Variants in HS2ST1 observed in about 807,000 individuals in gnomAD.
The protein encoded by HS2ST1 is heparan sulfate 2-O-sulfotransferase 1, also known as 2-O-sulfotransferase.
Under a neutral mutation model 42.9 loss-of-function variants are expected in HS2ST1, and 18 were observed. The observed-to-expected ratio is 0.42, with a 90% CI of 0.29 to 0.62. HS2ST1 has a LOEUF of 0.62. Ranked by LOEUF, HS2ST1 falls within the 20% of genes least tolerant of loss-of-function variation. The pLI is 0.21. For synonymous variants in HS2ST1, 146 were observed against 152.9 expected (o/e 0.95, Z 0.33); for missense variants, 334 against 433.8 (o/e 0.77, Z 2.04).
chr1:86,956,183 A>G, intron 1 of HS2ST1, among the ~76,000 whole-genome samples: 1 of 134,120 alleles, frequency 7.5e-6, no homozygotes, highest in South Asian at 2.2e-4. Context: ...TTTTGGGGTT[A>G]TTTACTGGGG....
intron 1 of HS2ST1, among the ~76,000 whole-genome samples, chr1:87,001,805 G>A (rs1242781395): frequency 2.6e-5 from 4 of 152,148 alleles, no homozygotes; most frequent in Admixed American, 6.5e-5. Context: ...TAGAGACCAG[G>A]TTTCTCCATG....
chr1:87,028,700 G>A (rs1309788044), intron 1 of HS2ST1, among the ~76,000 whole-genome samples: 1 of 152,210 alleles, frequency 6.6e-6, no homozygotes, highest in Non-Finnish European at 1.5e-5. Context: ...TAAATTTTGG[G>A]AGAATAGCAA....
intron 3 of HS2ST1, among the ~76,000 whole-genome samples, chr1:87,084,992 C>G (rs1271256979): frequency 1.3e-5 from 2 of 152,102 alleles, no homozygotes; most frequent in Non-Finnish European, 2.9e-5. Context: ...AAACTATATG[C>G]CTACTCACAG....
intron 1 of HS2ST1, among the ~76,000 whole-genome samples, chr1:86,940,544 A>G (rs1431206018): frequency 6.6e-6 from 1 of 152,226 alleles, no homozygotes; most frequent in Non-Finnish European, 1.5e-5. Context: ...TATGGTAGGA[A>G]GTCCAGTTAG....
At chr1:87,055,695 A>G (rs890427465) in intron 1 of HS2ST1, among the ~76,000 whole-genome samples, 2 of 152,204 alleles carry the variant, frequency 1.3e-5, no homozygotes, top group Admixed American at 6.5e-5. Flanking sequence ...AATCATTTTC[A>G]TAATAATTCT....
intron 1 of HS2ST1, among the ~76,000 whole-genome samples, chr1:86,986,546 G>A (rs1048951143): frequency 3.9e-5 from 6 of 152,252 alleles, no homozygotes; most frequent in Admixed American, 3.9e-4. Context: ...TGTTAATTAG[G>A]TATCTTTAAA....
At chr1:86,922,274 A>G (rs1269416793) in intron 1 of HS2ST1, among the ~76,000 whole-genome samples, 4 of 151,822 alleles carry the variant, frequency 2.6e-5, no homozygotes, top group African/African-American at 9.7e-5. Context: ...GGTTCTTGCT[A>G]TCGTCATTAT....
intron 1 of HS2ST1, among the ~76,000 whole-genome samples, chr1:86,921,796 A>G (rs1660305797): frequency 6.6e-6 from 1 of 152,196 alleles, no homozygotes; most frequent in Non-Finnish European, 1.5e-5. Flanking sequence ...ATAGTACCAC[A>G]CAATGGACTA....
chr1:87,103,283 G>T, intron 5 of HS2ST1, 149 bp from the exon 6 acceptor site: 1 of 591,478 alleles, frequency 1.7e-6, no homozygotes, highest in South Asian at 3.6e-5. Flanking sequence ...GGAAACAGGT[G>T]TGCCTCCCAC....
intron 1 of HS2ST1, among the ~76,000 whole-genome samples, chr1:87,014,352 A>G (rs2100581229): frequency 6.6e-6 from 1 of 152,274 alleles, no homozygotes; most frequent in East Asian, 1.9e-4. Flanking sequence ...TTATAAAACC[A>G]TTAGATCTTG....
chr1:86,928,056 A>G lies in HS2ST1; in HGVS notation c.124+12896A>G, dbSNP rs530684139. Among the ~76,000 whole-genome samples, 5 of 152,222 alleles carry G rather than the reference A, an allele frequency of 3.3e-5. No individual in the cohort carries two copies. In the East Asian group the frequency reaches 7.7e-4, roughly 24 times the overall value. On this transcript the variant is annotated intron_variant, in intron 1 of 6. Transcript: ENST00000370550. The stretch of plus-strand genomic sequence containing the variant: ...TAGTAACTTAAAAATTGAAATCTTT[A>G]GAAGAAACTAACTGCGCAGCATAAA...
At chr1:86,952,559 A>G (rs1460827796) in intron 1 of HS2ST1, among the ~76,000 whole-genome samples, 6 of 152,210 alleles carry the variant, frequency 3.9e-5, no homozygotes, top group African/African-American at 1.4e-4. Flanking sequence ...CTTGAAAGTC[A>G]AAATTACTCT....
intron 1 of HS2ST1, among the ~76,000 whole-genome samples, chr1:86,941,236 C>T (rs1441851692): frequency 6.6e-6 from 1 of 152,094 alleles, no homozygotes; most frequent in East Asian, 1.9e-4. Context: ...TGACACTTTC[C>T]CTTTCATTCT....
chr1:87,023,806 A>AT (rs1478439436), intron 1 of HS2ST1, among the ~76,000 whole-genome samples: 2 of 151,884 alleles, frequency 1.3e-5, no homozygotes, highest in Non-Finnish European at 2.9e-5. Flanking sequence ...TTGTGTTACT[A>AT]TTTTTTTTCA....
intron 1 of HS2ST1, among the ~76,000 whole-genome samples, chr1:86,944,514 C>T (rs1396278469): frequency 5.9e-5 from 9 of 151,864 alleles, no homozygotes; most frequent in Non-Finnish European, 1.0e-4. Context: ...ACCACCATGC[C>T]CGGCTCATTT....
At chr1:87,062,962 T>C (rs2100624927) in intron 1 of HS2ST1, among the ~76,000 whole-genome samples, 1 of 152,340 alleles carries the variant, frequency 6.6e-6, no homozygotes, top group Non-Finnish European at 1.5e-5. Flanking sequence ...AGAAGTTTGA[T>C]TATGATATGT....
At chr1:86,963,318 G>GTTTGTGTCC (rs753208252) in intron 1 of HS2ST1, among the ~76,000 whole-genome samples, 38 of 152,320 alleles carry the variant, frequency 2.5e-4, no homozygotes, top group Middle Eastern at 3.4e-3. Context: ...CTACCGCAGT[G>GTTTGTGTCC]TTTGTGTCCG....
chr1:87,046,272 C>T, intron 1 of HS2ST1: 1 of 747,082 alleles, frequency 1.3e-6, no homozygotes. Context: ...CGAATGTCAT[C>T]CTAAGCCAAC....
At chr1:87,045,414 C>T in intron 1 of HS2ST1, 1 of 1,454,146 alleles carries the variant, frequency 6.9e-7, no homozygotes, top group South Asian at 1.1e-5. Flanking sequence ...TCAATTTGGA[C>T]ATCTGGTGCT....
Sources: allele counts gnomAD v4.1 joint callset (sites outside exome capture counted in the v4.1 genomes callset), GRCh38; gene constraint gnomAD v4.1.1; transcripts MANE v1.5; gene names NCBI Gene and HGNC (gene_info 2026-07-23, HGNC 2026-07-21).